Variants in MIDEAS observed in about 807,000 individuals in gnomAD.
The protein encoded by MIDEAS is mitotic deacetylase-associated SANT domain protein.
MIDEAS carries 26 observed loss-of-function variants against 102.7 expected under a neutral mutation model. The observed-to-expected ratio is 0.25, with a 90% CI of 0.19 to 0.35. The LOEUF is 0.35. MIDEAS is among the 10% of genes least tolerant of loss of function. The probability of loss-of-function intolerance (pLI) is 1.00; values close to 1 mark genes in which losing one functional copy is unlikely to be tolerated. For synonymous variants in MIDEAS, 585 were observed against 591.0 expected (o/e 0.99, Z 0.15); for missense variants, 1,231 against 1,435.6 (o/e 0.86, Z 2.30).
rs17182544 is a variant in MIDEAS at position 73,740,152 on chromosome 14, C to G, written c.-144G>C. 299,850 of 1,034,556 alleles carry G rather than the reference C, an allele frequency of 0.29. 48,360 individuals are homozygous for G. The highest frequency in any genetic ancestry group is 0.33 in the Non-Finnish European group (261,502 of 788,858). The allele number at this position is 1,034,556 out of a possible 1,614,324, so 64.1% of individuals were successfully genotyped here. ...AGAGGAAGACGCTGGACAGTGAGGTCGGACACTGGGAGAAAGAACTGCTGG... is the reference window on the plus strand; with the variant it reads ...AGAGGAAGACGCTGGACAGTGAGGTGGGACACTGGGAGAAAGAACTGCTGG... On this transcript the variant is annotated 5_prime_UTR_variant, in exon 2 of 13. Transcript: ENST00000423556.
chr14:73,721,757 T>TC, intron 10 of MIDEAS: 1 of 448,736 alleles, frequency 2.2e-6, no homozygotes, highest in Non-Finnish European at 4.0e-6. Flanking sequence ...TACCAGTCAC[T>TC]CCCCATTGCC....
intron 1 of MIDEAS, among the ~76,000 whole-genome samples, chr14:73,743,444 G>T (rs994727154): frequency 5.3e-5 from 8 of 152,130 alleles, no homozygotes; most frequent in Non-Finnish European, 1.0e-4. Flanking sequence ...TCTAGCCCCC[G>T]ATCTAGGCCT....
chr14:73,722,277 A>C (rs527267683), intron 10 of MIDEAS: 1 of 155,678 alleles, frequency 6.4e-6, no homozygotes, highest in South Asian at 2.0e-4. Flanking sequence ...CTGAGTAAAA[A>C]ATGAGTTGAC....
chr14:73,716,282 C>G lies in MIDEAS; in HGVS notation c.*2561G>C, dbSNP rs2052887327. ...GACATGAATGCATAAAATACAGTGT[C>G]TGGCGGGATAATGCAGAGAGGTACC... On this transcript the variant is annotated 3_prime_UTR_variant, in exon 13 of 13. Coordinates refer to ENST00000423556, the MANE Select transcript of MIDEAS (RefSeq NM_001367710.1). 6.6e-6 allele frequency: 1 copy of G among 152,238 alleles called. No homozygotes were observed. The highest frequency in any genetic ancestry group is 1.5e-5 in the Non-Finnish European group (1 of 68,038). The allele number at this position is 152,238 out of a possible 1,614,324, so 9.4% of individuals were successfully genotyped here.
chr14:73,759,048 C>T lies in MIDEAS; in HGVS notation c.-248+715G>A, dbSNP rs896009150. 2.0e-5 allele frequency among the ~76,000 whole-genome samples: 3 copies of T among 152,146 alleles called. No homozygotes were observed. Among genetic ancestry groups the T allele is most frequent in the African/African-American group, 7.2e-5 (3 of 41,458 alleles). On this transcript the variant is annotated intron_variant, in intron 1 of 12. Coordinates refer to ENST00000423556, the MANE Select transcript of MIDEAS (RefSeq NM_001367710.1). The surrounding 1 kb of genome is among the most constrained non-coding windows in gnomAD (Gnocchi z 6.7). ...AGCTCCCCGCGAGGCACCGCGCGGG[C>T]TGGGAGGGCTGCGGCGGCGCGGGCG...
intron 10 of MIDEAS, among the ~76,000 whole-genome samples, chr14:73,721,967 A>G (rs1476195754): frequency 6.6e-6 from 1 of 152,226 alleles, no homozygotes; most frequent in Admixed American, 6.5e-5. Context: ...AATCCCAAAA[A>G]TGATGCTAGG....
rs1330899666 is a variant in MIDEAS at position 73,719,028 on chromosome 14, G to A, written c.3135-20C>T. 6 of 1,462,760 alleles carry A rather than the reference G, an allele frequency of 4.1e-6. No homozygotes were observed. The highest frequency in any genetic ancestry group is 5.4e-6 in the Non-Finnish European group (6 of 1,114,062). The allele number at this position is 1,462,760 out of a possible 1,614,324, so 90.6% of individuals were successfully genotyped here. A position where few individuals can be genotyped will look rare whatever the true frequency, so the allele number is the denominator to read the frequency against. ...AACACCCTGCAGCCGGGTGGGGGTT[G>A]CTCAGAACCGGCCTAGCCCACCCGG... On this transcript the variant is annotated intron_variant, in intron 12 of 12. Coordinates refer to ENST00000423556, the MANE Select transcript of MIDEAS (RefSeq NM_001367710.1).
chr14:73,739,879 C>A lies in MIDEAS; in HGVS notation c.130G>T (p.Glu44Ter). The A allele has an allele frequency of 6.3e-7, 1 of 1,581,908 alleles. No homozygotes were observed. The highest frequency in any genetic ancestry group is 8.6e-7 in the Non-Finnish European group (1 of 1,161,554). ...GGACCCTCGTGCCCGAGGTACTGCTCCTCCTTCACTCTGATGGACTGCTGG... is the reference window on the plus strand; with the variant it reads ...GGACCCTCGTGCCCGAGGTACTGCTACTCCTTCACTCTGATGGACTGCTGG... ...PPQQSIRVKEEQYLGHEGPGG... is the reference protein window; with the variant it reads ...PPQQSIRVKE Residue 44 changes from glutamate to a stop codon, truncating the protein, a stop_gained, in exon 2 of 13, where the codon GAG (glutamate) becomes TAG (stop). Coordinates refer to ENST00000423556, the MANE Select transcript of MIDEAS (RefSeq NM_001367710.1). LOFTEE classifies it high-confidence loss of function.
chr14:73,746,843 C>T (rs1380897568), intron 1 of MIDEAS, among the ~76,000 whole-genome samples: 1 of 152,244 alleles, frequency 6.6e-6, no homozygotes, highest in African/African-American at 2.4e-5. Context: ...GCTCCACAAG[C>T]ATTTGCTGAG....
rs1294843424 is a variant in MIDEAS at position 73,759,586 on chromosome 14, A to G, written c.-248+177T>C. Reference sequence around the variant, plus strand: ...CCGCACGGCCACACGCGCCCGCTCCACCGCCGCCCAGGCCGCAGAAGTTCG... The same window carrying G: ...CCGCACGGCCACACGCGCCCGCTCCGCCGCCGCCCAGGCCGCAGAAGTTCG... On this transcript the variant is annotated intron_variant, in intron 1 of 12. Transcript: ENST00000423556. This position sits in a 1 kb window ranked among gnomAD's most constrained non-coding sequence, Gnocchi z 6.7. Among the ~76,000 whole-genome samples, 1 of 148,616 alleles carries G rather than the reference A, an allele frequency of 6.7e-6. No individual in the cohort carries two copies. The highest frequency in any genetic ancestry group is 2.0e-4 in the East Asian group (1 of 5,118).
chr14:73,745,449 T>C (rs1595274891), intron 1 of MIDEAS, among the ~76,000 whole-genome samples: 1 of 152,048 alleles, frequency 6.6e-6, no homozygotes, highest in South Asian at 2.1e-4. Flanking sequence ...TGGCTGGACC[T>C]CAAGACACTA....
At chr14:73,746,392 G>A (rs8013292) in intron 1 of MIDEAS, among the ~76,000 whole-genome samples, 124,776 of 152,232 alleles carry the variant, frequency 0.82, 51,716 homozygotes, top group East Asian at 0.94. Context: ...GCCACGAAGA[G>A]TCACAGGCAG....
rs1183088244 is a variant in MIDEAS at position 73,739,085 on chromosome 14, G to C, written c.924C>G (p.Pro308=). 5 of 1,588,034 alleles carry C rather than the reference G, an allele frequency of 3.1e-6. No individual in the cohort carries two copies. The highest frequency in any genetic ancestry group is 4.3e-6 in the Non-Finnish European group (5 of 1,164,250). The change falls in exon 2 of 13, where the codon CCC becomes CCG. Residue 308 remains proline, a synonymous_variant. Transcript: ENST00000423556. ...TATCTGGGTTGGGGGGGAAGGGGTA[G>C]GGTGCCATGCTGTGGTGAGCCAGGT... ...QSHLAHHSMA[P]YPFPPNPDMN...
intron 3 of MIDEAS, among the ~76,000 whole-genome samples, chr14:73,735,784 C>G (rs1395509598): frequency 6.6e-6 from 1 of 152,156 alleles, no homozygotes; most frequent in African/African-American, 2.4e-5. Context: ...ATATGGATAC[C>G]CTGATAGCCC....
chr14:73,727,052 A>T (rs1158282893), intron 5 of MIDEAS, 80 bp from the exon 6 acceptor site: 13 of 1,508,014 alleles, frequency 8.6e-6, no homozygotes, highest in East Asian at 2.3e-5. Flanking sequence ...GGTGGGAAGA[A>T]GATGAGGGGG....
intron 1 of MIDEAS, among the ~76,000 whole-genome samples, chr14:73,747,847 A>G (rs2053372719): frequency 1.3e-5 from 2 of 152,120 alleles, no homozygotes; most frequent in East Asian, 1.9e-4. Flanking sequence ...CCCCAAAGGC[A>G]CTACCTGTCA....
At chr14:73,719,250 C>T in intron 12 of MIDEAS, 55 bp downstream of exon 12, 3 of 1,555,854 alleles carry the variant, frequency 1.9e-6, no homozygotes, top group Non-Finnish European at 2.6e-6. Flanking sequence ...CACCCCCGCC[C>T]CCTCCGCGCA....
Position 73,742,930 on chromosome 14 carries a change from C to T in MIDEAS, c.-247-2675G>A, listed in dbSNP as rs893001104. Among the ~76,000 whole-genome samples the T allele has an allele frequency of 2.6e-5, 4 of 152,120 alleles. No homozygotes were observed. Among genetic ancestry groups the T allele is most frequent in the African/African-American group, 4.8e-5 (2 of 41,398 alleles). On this transcript the variant is annotated intron_variant, in intron 1 of 12. Transcript: ENST00000423556. This position sits in a 1 kb window ranked among gnomAD's most constrained non-coding sequence, Gnocchi z 4.4. ...GTGCACCCGTGCCAGGCAGATCCTA[C>T]GTGCTTTATATCCTTTAAATTCCCA... is the stretch of plus-strand genomic sequence containing the variant.
chr14:73,725,353 G>A lies in MIDEAS; in HGVS notation c.2493C>T (p.Asp831=). ...PLATYHYTGS[D]QWKMAERKLF... ...GCTTCCTCTCGGCCATCTTCCACTG[G>A]TCAGAGCCTATGGGGCAAAGAGGCA... Residue 831 remains aspartate (D), a synonymous_variant, in exon 9 of 13, where the codon GAC becomes GAT. Transcript: ENST00000423556. The surrounding 1 kb of genome is among the most constrained non-coding windows in gnomAD (Gnocchi z 4.1). 6.2e-7 allele frequency: 1 copy of A among 1,613,934 alleles called. No individual in the cohort carries two copies. The highest frequency in any genetic ancestry group is 8.5e-7 in the Non-Finnish European group (1 of 1,179,874).
Sources: gnomAD v4.1 joint callset for allele counts (sites outside exome capture counted in the v4.1 genomes callset) on GRCh38, gnomAD v4.1.1 for gene constraint, Gnocchi (gnomAD v3.1) non-coding constraint, MANE v1.5 for transcripts, NCBI Gene and HGNC (gene_info 2026-07-23, HGNC 2026-07-21) for gene names.